NUP214: variants seen among roughly 807,000 people sequenced by gnomAD.
The protein encoded by NUP214 is nuclear pore complex protein Nup214.
NUP214 carries 79 observed loss-of-function variants against 196.2 expected under a neutral mutation model. The observed-to-expected ratio is 0.40, with a 90% CI of 0.34 to 0.49. The LOEUF is 0.49. Ranked by LOEUF, NUP214 falls within the 20% of genes least tolerant of loss-of-function variation. The pLI, the probability that NUP214 is intolerant of heterozygous loss-of-function variation, is 0.58. For synonymous variants in NUP214, 1,020 were observed against 990.5 expected (o/e 1.03, Z -0.56); for missense variants, 2,468 against 2,539.0 (o/e 0.97, Z 0.60).
At position 131,198,298 on chromosome 9, in the gene NUP214, T is replaced by G. The variant is rs1226608432; in HGVS notation, c.4804T>G (p.Ser1602Ala). 5 of 1,614,158 alleles carry G rather than the reference T, an allele frequency of 3.1e-6. No homozygotes were observed. Among genetic ancestry groups the G allele is most frequent in the Middle Eastern group, 3.3e-4 (2 of 6,062 alleles). ...GQTAVTAAAI[S>A]SAGPVAVETS... Reference sequence around the variant, plus strand: ...GACTGCTGTCACAGCAGCTGCTATCTCAAGTGCAGGCCCTGTGGCCGTCGA... The same window carrying G: ...GACTGCTGTCACAGCAGCTGCTATCGCAAGTGCAGGCCCTGTGGCCGTCGA... Residue 1602 changes from serine (S) to alanine (A), a missense_variant, in exon 29 of 36, where the codon TCA becomes GCA. Physicochemically the swap from Ser to Ala is moderately conservative, Grantham distance 99. Around this residue, in one of 5 missense-constraint regions of NUP214, gnomAD observed 1,801 missense variants for 1,779.4 expected, o/e 1.01. Coordinates refer to ENST00000359428, the MANE Select transcript of NUP214 (RefSeq NM_005085.4).
chr9:131,172,596 G>A (rs1427738665), intron 21 of NUP214, among the ~76,000 whole-genome samples: 1 of 152,154 alleles, frequency 6.6e-6, no homozygotes, highest in Non-Finnish European at 1.5e-5. Flanking sequence ...TGTCCAACAG[G>A]GTAGCTACTA....
At chr9:131,210,352 G>A (rs796287017) in intron 30 of NUP214, among the ~76,000 whole-genome samples, 42 of 152,294 alleles carry the variant, frequency 2.8e-4, no homozygotes, top group African/African-American at 8.9e-4. Flanking sequence ...TGGAAAGGCC[G>A]GGCACAGTGG....
rs148848016 is a variant in NUP214, at chr9:131,183,783, G to C, written c.3420-3506G>C. On this transcript the variant is annotated intron_variant, in intron 24 of 35. Coordinates refer to ENST00000359428, the MANE Select transcript of NUP214 (RefSeq NM_005085.4). Reference sequence around the variant, plus strand: ...GTTTGTTGTAGATATAAAAAAGATAGTTAAAAAGAACAAACTTAAAATCAC... The same window carrying C: ...GTTTGTTGTAGATATAAAAAAGATACTTAAAAAGAACAAACTTAAAATCAC... 2.3e-3 allele frequency among the ~76,000 whole-genome samples: 349 copies of C among 152,138 alleles called. 4 individuals are homozygous for C. Among genetic ancestry groups the C allele is most frequent in the African/African-American group, 8.1e-3 (335 of 41,520 alleles).
intron 14 of NUP214, among the ~76,000 whole-genome samples, chr9:131,148,013 C>A (rs1053048855): frequency 2.6e-5 from 4 of 152,222 alleles, no homozygotes; most frequent in African/African-American, 9.7e-5. Context: ...ATGGTGAAAC[C>A]CCGTCTCTAC....
At chr9:131,192,169 C>CT (rs66652901) in intron 26 of NUP214, 39 bp from the exon 27 acceptor site, 90,738 of 446,514 alleles carry the variant, frequency 0.2, 33,797 homozygotes, top group African/African-American at 0.46. Flanking sequence ...TTGTAATATT[C>CT]TTTTTTTTTT....
At chr9:131,185,045 A>G (rs926297485) in intron 24 of NUP214, among the ~76,000 whole-genome samples, 31 of 152,196 alleles carry the variant, frequency 2.0e-4, no homozygotes, top group African/African-American at 7.0e-4. Context: ...CTTGTTTTTT[A>G]TGCTTTTTAA....
chr9:131,151,934 C>T (rs1276222749), intron 17 of NUP214, 40 bp downstream of exon 17: 2 of 1,504,806 alleles, frequency 1.3e-6, no homozygotes, highest in African/African-American at 1.4e-5. Flanking sequence ...GATTTAAAAA[C>T]AAGCTCATGT....
intron 17 of NUP214, among the ~76,000 whole-genome samples, chr9:131,154,150 T>C (rs193124379): frequency 6.6e-6 from 1 of 152,240 alleles, no homozygotes; most frequent in Admixed American, 6.5e-5. Flanking sequence ...TCTTGAATCA[T>C]CTTGGCTCTT....
chr9:131,185,194 A>G (rs1447301311), intron 24 of NUP214, among the ~76,000 whole-genome samples: 10 of 152,240 alleles, frequency 6.6e-5, no homozygotes, highest in Non-Finnish European at 1.3e-4. Flanking sequence ...ACCCAATTTT[A>G]TAATTGTGTG....
chr9:131,144,537 T>C lies in NUP214; in HGVS notation c.1552T>C (p.Ser518Pro), dbSNP rs767731226. 1.8e-5 allele frequency: 29 copies of C among 1,614,152 alleles called. No homozygotes were observed. Among genetic ancestry groups the C allele is most frequent in the Non-Finnish European group, 2.5e-5 (29 of 1,180,016 alleles). Residue 518 changes from serine (S) to proline (P), a missense_variant, in exon 12 of 36, where the codon TCA (serine) becomes CCA (proline). Transcript: ENST00000359428. ...CAAAGCAGCCCCAGGCCCTGGCCCATCAACCTTCTCTTTTGTTCCCCCTTC... is the reference window on the plus strand; with the variant it reads ...CAAAGCAGCCCCAGGCCCTGGCCCACCAACCTTCTCTTTTGTTCCCCCTTC... ...SSKAAPGPGPSTFSFVPPSKA... is the reference protein window; with the variant it reads ...SSKAAPGPGPPTFSFVPPSKA...
At chr9:131,155,754 GT>G (rs1482893648) in intron 17 of NUP214, among the ~76,000 whole-genome samples, 10 of 152,020 alleles carry the variant, frequency 6.6e-5, no homozygotes, top group African/African-American at 2.4e-4. Context: ...CCCACTTTAT[GT>G]TTTTTGTTTG....
chr9:131,159,472 A>G lies in NUP214; in HGVS notation c.2526A>G (p.Gln842=), dbSNP rs767060663. 2.2e-5 allele frequency: 35 copies of G among 1,613,148 alleles called. No individual in the cohort carries two copies. The highest frequency in any genetic ancestry group is 2.8e-5 in the Non-Finnish European group (33 of 1,179,196). Reference sequence around the variant, plus strand: ...TGGAGTGGGATCAGCATCTGGAACAAAAGAAAAAACAAAGGTGAATGAGAT... The same window carrying G: ...TGGAGTGGGATCAGCATCTGGAACAGAAGAAAAAACAAAGGTGAATGAGAT... ...LDLEWDQHLE[Q]KKKQRHLLVP... is the part of the protein sequence containing the mutation. Residue 842 remains glutamine (Q), a synonymous_variant, in exon 18 of 36, where the codon CAA becomes CAG. Coordinates refer to ENST00000359428, the MANE Select transcript of NUP214 (RefSeq NM_005085.4).
intron 30 of NUP214, among the ~76,000 whole-genome samples, chr9:131,207,345 AAG>A (rs1341601572): frequency 6.6e-6 from 1 of 152,192 alleles, no homozygotes; most frequent in Non-Finnish European, 1.5e-5. Flanking sequence ...TCTCAGCTGG[AAG>A]AAGGGAAGAC....
At chr9:131,206,148 C>CTTTTGTTTTTTTTTTTTTTTTT (rs1834076383) in intron 30 of NUP214, among the ~76,000 whole-genome samples, 1 of 76,388 alleles carries the variant, frequency 1.3e-5, no homozygotes, top group East Asian at 6.7e-4. Flanking sequence ...TTTCTTTTTT[C>CTTTTGTTTTTTTTTTTTTTTTT]TTTTTTTTTT....
chr9:131,182,232 T>C (rs1377712102), intron 24 of NUP214, among the ~76,000 whole-genome samples: 1 of 152,208 alleles, frequency 6.6e-6, no homozygotes, highest in African/African-American at 2.4e-5. Flanking sequence ...ACAAAAATAA[T>C]TTAAAAAAAT....
intron 21 of NUP214, chr9:131,164,751 T>C (rs1276683810): frequency 6.6e-6 from 1 of 152,090 alleles, no homozygotes; most frequent in African/African-American, 2.4e-5. Context: ...GCAATGTTGA[T>C]TAAAAATACT....
intron 27 of NUP214, among the ~76,000 whole-genome samples, chr9:131,193,428 AG>A (rs1266100772): frequency 3.9e-5 from 6 of 152,012 alleles, no homozygotes; most frequent in African/African-American, 1.4e-4. Context: ...CTTCAGCCTA[AG>A]GAGAAAAGAG....
intron 28 of NUP214, chr9:131,195,539 C>T: frequency 2.4e-6 from 1 of 414,432 alleles, no homozygotes; most frequent in Non-Finnish European, 4.3e-6. Context: ...TGTGCTTTAA[C>T]ATTTAAATGT....
chr9:131,127,053 A>G (rs912078437), intron 1 of NUP214: 1 of 153,080 alleles, frequency 6.5e-6, no homozygotes, highest in African/African-American at 2.4e-5. Flanking sequence ...GCCCCTTTAC[A>G]TGGATGACAG....
Sources: allele counts gnomAD v4.1 joint callset (sites outside exome capture counted in the v4.1 genomes callset), GRCh38; gene constraint gnomAD v4.1.1; regional missense constraint gnomAD v4.1.1; transcripts MANE v1.5; gene names NCBI Gene and HGNC (gene_info 2026-07-23, HGNC 2026-07-21).